Variants in LRP6 observed in about 807,000 individuals in gnomAD.
LRP6 encodes low-density lipoprotein receptor-related protein 6.
LRP6 carries 43 observed loss-of-function variants against 184.1 expected under a neutral mutation model. The observed-to-expected ratio is 0.23, with a 90% CI of 0.18 to 0.30. LRP6 has a LOEUF of 0.30. LRP6 is among the 10% of genes least tolerant of loss of function. The pLI, the probability that LRP6 is intolerant of heterozygous loss-of-function variation, is 1.00. For missense variants in LRP6, 1,571 were observed against 2,005.3 expected (o/e 0.78, Z 4.14); for synonymous variants, 719 against 684.9 (o/e 1.05, Z -0.78).
intron 16 of LRP6, among the ~76,000 whole-genome samples, chr12:12,135,750 C>T (rs1250753099): frequency 6.6e-6 from 1 of 151,760 alleles, no homozygotes; most frequent in Non-Finnish European, 1.5e-5. Context: ...TGATTCTTCA[C>T]TCAATCTCTA....
intron 1 of LRP6, among the ~76,000 whole-genome samples, chr12:12,245,657 C>T (rs1865164981): frequency 6.6e-6 from 1 of 152,158 alleles, no homozygotes; most frequent in Non-Finnish European, 1.5e-5. Context: ...TTCTATATTA[C>T]TATTAAAATG....
rs1348327799 is a variant in LRP6, at chr12:12,203,365, T to A, written c.485A>T (p.Lys162Met). 6.2e-7 allele frequency: 1 copy of A among 1,614,084 alleles called. No homozygotes were observed. ...MYWTDWGEVP[K>M]IERAGMDGSS... The stretch of plus-strand genomic sequence containing the variant: ...ACCATCCATTCCAGCACGTTCTATC[T>A]TTGGCACTTCTCCCCAGTCTGTCCA... The change falls in exon 3 of 23, where the codon AAG becomes ATG. Residue 162 changes from lysine (K) to methionine (M), a missense_variant. By Grantham distance (95) the Lys-to-Met change is moderately conservative. This residue lies in a region of LRP6 where 640 missense variants were observed against 851.9 expected (regional missense o/e 0.75). Transcript: ENST00000261349.
At chr12:12,220,499 T>C (rs189132026) in intron 2 of LRP6, among the ~76,000 whole-genome samples, 105 of 152,290 alleles carry the variant, frequency 6.9e-4, no homozygotes, top group Non-Finnish European at 1.4e-3. Flanking sequence ...GGAAATTCTA[T>C]GAATAGCCCA....
intron 2 of LRP6, among the ~76,000 whole-genome samples, chr12:12,215,810 G>C (rs1283128903): frequency 6.6e-6 from 1 of 151,470 alleles, no homozygotes; most frequent in East Asian, 2.0e-4. Context: ...TCAGGAGTTC[G>C]AGACCAGCCT....
chr12:12,138,005 A>C (rs111835473), intron 16 of LRP6, among the ~76,000 whole-genome samples: 1 of 151,820 alleles, frequency 6.6e-6, no homozygotes, highest in African/African-American at 2.4e-5. Context: ...TCTACTAAAA[A>C]TTAAAAAAAA....
intron 2 of LRP6, among the ~76,000 whole-genome samples, chr12:12,241,461 T>C (rs929480684): frequency 6.6e-6 from 1 of 152,210 alleles, no homozygotes; most frequent in Non-Finnish European, 1.5e-5. Context: ...GTTTAAAATA[T>C]AATTTTAAAT....
At chr12:12,148,890 G>A in intron 14 of LRP6, 52 bp downstream of exon 14, 2 of 1,276,672 alleles carry the variant, frequency 1.6e-6, no homozygotes, top group South Asian at 2.4e-5. Flanking sequence ...AAAAAGAAGG[G>A]TGAGGAGAGT....
chr12:12,129,592 G>A (rs1056722119), intron 19 of LRP6, among the ~76,000 whole-genome samples: 6 of 151,422 alleles, frequency 4.0e-5, no homozygotes, highest in Admixed American at 2.0e-4. Flanking sequence ...TCGCCCTGTC[G>A]CCCAGGTTGG....
chr12:12,165,273 C>T lies in LRP6; in HGVS notation c.1568G>A (p.Gly523Glu). 2 of 1,613,194 alleles carry T rather than the reference C, an allele frequency of 1.2e-6. No homozygotes were observed. Among genetic ancestry groups the T allele is most frequent in the African/African-American group, 1.3e-5 (1 of 75,000 alleles). Residue 523 changes from glycine to glutamate, a missense_variant, in exon 8 of 23, where the codon GGG becomes GAG. Physicochemically the swap from Gly to Glu is moderately conservative, Grantham distance 98. Coordinates refer to ENST00000261349, the MANE Select transcript of LRP6 (RefSeq NM_002336.3). Reference protein sequence around the residue: ...KIEVMNTDGTGRRVLVEDKIP... With the variant: ...KIEVMNTDGTERRVLVEDKIP... The stretch of plus-strand genomic sequence containing the variant: ...TTTGTCTTCCACTAGTACTCGTCTC[C>T]CAGTGCCATCAGTATTCATAACCTT...
intron 13 of LRP6, among the ~76,000 whole-genome samples, chr12:12,149,677 A>C (rs990727695): frequency 1.3e-5 from 2 of 152,182 alleles, no homozygotes; most frequent in African/African-American, 4.8e-5. Context: ...ACAAACAATT[A>C]ATCCAGCCCA....
In LRP6 at chr12:12,120,580, G is replaced by C. The variant is rs1375587846; in HGVS notation, c.*546C>G. The C allele has an allele frequency of 6.6e-6, 1 of 152,398 alleles. No homozygotes were observed. Among genetic ancestry groups the C allele is most frequent in the Non-Finnish European group, 1.5e-5 (1 of 68,174 alleles). 9.4% of individuals were successfully genotyped at this position (152,398 alleles called of 1,614,324 possible). A position where few individuals can be genotyped will look rare whatever the true frequency, so the allele number is the denominator to read the frequency against. Reference sequence around the variant, plus strand: ...CCTCACTAGCACTGTTGGATTCCTAGAGAAAACAAAGCCCTTCGTCCAAGG... The same window carrying C: ...CCTCACTAGCACTGTTGGATTCCTACAGAAAACAAAGCCCTTCGTCCAAGG... On this transcript the variant is annotated 3_prime_UTR_variant, in exon 23 of 23. Transcript: ENST00000261349.
intron 9 of LRP6, 91 bp from the exon 10 acceptor site, chr12:12,162,510 A>G (rs950890041): frequency 4.9e-6 from 5 of 1,019,426 alleles, no homozygotes; most frequent in South Asian, 2.5e-5. Context: ...CAGGGGCAAG[A>G]GGATCCAGAA....
intron 15 of LRP6, among the ~76,000 whole-genome samples, chr12:12,143,898 G>A (rs1949967354): frequency 6.6e-6 from 1 of 152,130 alleles, no homozygotes; most frequent in Non-Finnish European, 1.5e-5. Context: ...ATGTATCTAT[G>A]ATGTGTACAA....
At chr12:12,193,827 A>C (rs543242202) in intron 3 of LRP6, among the ~76,000 whole-genome samples, 5 of 152,212 alleles carry the variant, frequency 3.3e-5, no homozygotes, top group African/African-American at 1.2e-4. Flanking sequence ...ACAAAGAAAG[A>C]GGAAATATCT....
chr12:12,160,047 TA>T, intron 10 of LRP6, 83 bp from the exon 11 acceptor site: 5 of 1,000,608 alleles, frequency 5.0e-6, no homozygotes, highest in Non-Finnish European at 7.3e-6. Flanking sequence ...AGTAACTAAA[TA>T]AATTTAAAGA....
intron 16 of LRP6, among the ~76,000 whole-genome samples, chr12:12,136,049 T>C (rs1180975115): frequency 6.6e-6 from 1 of 151,928 alleles, no homozygotes; most frequent in African/African-American, 2.4e-5. Flanking sequence ...TAGCTGGGTG[T>C]GGTGGCATGC....
intron 3 of LRP6, among the ~76,000 whole-genome samples, chr12:12,200,953 C>T (rs1863898787): frequency 6.6e-6 from 1 of 151,990 alleles, no homozygotes; most frequent in South Asian, 2.1e-4. Context: ...TTGTTTTTTC[C>T]TTTATAATAA....
At chr12:12,174,393 G>A (rs1863120739) in intron 7 of LRP6, among the ~76,000 whole-genome samples, 1 of 152,158 alleles carries the variant, frequency 6.6e-6, no homozygotes. Context: ...TTACAGGCGT[G>A]AGCCACCGTG....
chr12:12,219,815 G>C (rs1026566932), intron 2 of LRP6, among the ~76,000 whole-genome samples: 1 of 152,180 alleles, frequency 6.6e-6, no homozygotes, highest in African/African-American at 2.4e-5. Context: ...AGGGTTACGT[G>C]TAAGTCCTGA....
Sources: gnomAD v4.1 joint callset for allele counts (sites outside exome capture counted in the v4.1 genomes callset) on GRCh38, gnomAD v4.1.1 for gene constraint, gnomAD v4.1.1 regional missense constraint, MANE v1.5 for transcripts, NCBI Gene and HGNC (gene_info 2026-07-23, HGNC 2026-07-21) for gene names.